EHBP1: variants seen among roughly 807,000 people sequenced by gnomAD.
EHBP1 encodes EH domain binding protein 1.
EHBP1 carries 55 observed loss-of-function variants against 144.0 expected under a neutral mutation model. The ratio of observed to expected loss-of-function variants is 0.38; its 90% CI spans 0.31 to 0.48. EHBP1 has a LOEUF of 0.48. Ranked by LOEUF, EHBP1 falls within the 20% of genes least tolerant of loss-of-function variation. The pLI is 0.98. For missense variants in EHBP1, 1,200 were observed against 1,364.2 expected (o/e 0.88, Z 1.90); for synonymous variants, 469 against 472.7 (o/e 0.99, Z 0.10).
chr2:63,008,612 G>C (rs1559059758), intron 19 of EHBP1, among the ~76,000 whole-genome samples: 2 of 141,594 alleles, frequency 1.4e-5, no homozygotes, highest in African/African-American at 5.2e-5. Flanking sequence ...GTACCTAGAG[G>C]TTTTTTTTTC....
rs1407960720 is a variant in EHBP1, at chr2:62,948,549, G to T, written c.1703G>T (p.Gly568Val). ...REPELQQPIS[G>V]AVDFLSQDDS... ...CCTGAACTACAACAGCCTATCAGCGGAGCAGTAGACTTCTTATCACAGGAT... is the reference window on the plus strand; with the variant it reads ...CCTGAACTACAACAGCCTATCAGCGTAGCAGTAGACTTCTTATCACAGGAT... Residue 568 changes from glycine (G) to valine (V), a missense_variant, in exon 13 of 23, where the codon GGA becomes GTA. This residue lies in a region of EHBP1 where 543 missense variants were observed against 513.1 expected (regional missense o/e 1.06). Coordinates refer to ENST00000431489, the MANE Select transcript of EHBP1 (RefSeq NM_001142616.3). 1 of 1,614,084 alleles carries T rather than the reference G, an allele frequency of 6.2e-7. No homozygotes were observed. The highest frequency in any genetic ancestry group is 1.7e-5 in the Admixed American group (1 of 60,016).
chr2:62,894,005 G>A (rs541679699), intron 10 of EHBP1, among the ~76,000 whole-genome samples: 14 of 150,518 alleles, frequency 9.3e-5, no homozygotes, highest in South Asian at 2.1e-4. Flanking sequence ...AAATTGTGCC[G>A]CTGCACTCCA....
At chr2:63,037,761 TA>T in intron 20 of EHBP1, 127 bp downstream of exon 20, 1 of 535,264 alleles carries the variant, frequency 1.9e-6, no homozygotes. Context: ...ACATGTTTTA[TA>T]AAAAAATAAA....
chr2:62,780,573 T>C (rs1384657145), intron 5 of EHBP1, among the ~76,000 whole-genome samples: 2 of 152,110 alleles, frequency 1.3e-5, no homozygotes, highest in Non-Finnish European at 2.9e-5. Flanking sequence ...TCTCCTTTAT[T>C]CTCAAATGAT....
At chr2:62,799,756 C>T (rs1011439869) in intron 5 of EHBP1, among the ~76,000 whole-genome samples, 49 of 152,170 alleles carry the variant, frequency 3.2e-4, no homozygotes, top group African/African-American at 9.9e-4. Context: ...ACAACCTAAT[C>T]TACTCAGTAC....
intron 5 of EHBP1, among the ~76,000 whole-genome samples, chr2:62,810,484 C>T (rs990225669): frequency 2.6e-5 from 4 of 152,148 alleles, no homozygotes; most frequent in African/African-American, 4.8e-5. Flanking sequence ...GATTGAGAGG[C>T]TTGATGGTGG....
At chr2:62,931,721 G>A (rs762938246) in intron 10 of EHBP1, among the ~76,000 whole-genome samples, 1 of 152,204 alleles carries the variant, frequency 6.6e-6, no homozygotes, top group South Asian at 2.1e-4. Context: ...CGTGCAGGAT[G>A]TGAATCATCC....
chr2:63,041,850 G>A (rs2061672341), intron 21 of EHBP1, among the ~76,000 whole-genome samples: 1 of 152,146 alleles, frequency 6.6e-6, no homozygotes, highest in Non-Finnish European at 1.5e-5. Flanking sequence ...TAGTGGCAAG[G>A]TTGAAGGTTT....
At chr2:62,749,176 C>A (rs1271675804) in intron 3 of EHBP1, among the ~76,000 whole-genome samples, 1 of 152,120 alleles carries the variant, frequency 6.6e-6, no homozygotes, top group Non-Finnish European at 1.5e-5. Flanking sequence ...TGATGTTCCC[C>A]TTCCTGTGTC....
intron 5 of EHBP1, among the ~76,000 whole-genome samples, chr2:62,813,571 A>G (rs1436668751): frequency 6.6e-6 from 1 of 152,170 alleles, no homozygotes; most frequent in African/African-American, 2.4e-5. Context: ...AGCCTGGGAA[A>G]GCTGCAGGCG....
At chr2:62,698,809 C>G (rs1278128143) in intron 1 of EHBP1, among the ~76,000 whole-genome samples, 1 of 152,192 alleles carries the variant, frequency 6.6e-6, no homozygotes, top group Non-Finnish European at 1.5e-5. Context: ...TTTTCTCTAT[C>G]TTGCCCTGCC....
At chr2:62,829,033 G>A (rs1302815401) in intron 6 of EHBP1, among the ~76,000 whole-genome samples, 1 of 151,658 alleles carries the variant, frequency 6.6e-6, no homozygotes, top group Non-Finnish European at 1.5e-5. Flanking sequence ...CGGGATGATT[G>A]CTTGAGCCCA....
chr2:62,694,043 T>TTA (rs2033998033), intron 1 of EHBP1, among the ~76,000 whole-genome samples: 2 of 152,226 alleles, frequency 1.3e-5, no homozygotes. Context: ...TCTAACAGTT[T>TTA]TATAGTTTTA....
At chr2:62,797,424 A>G (rs1285970784) in intron 5 of EHBP1, among the ~76,000 whole-genome samples, 1 of 152,240 alleles carries the variant, frequency 6.6e-6, no homozygotes, top group Non-Finnish European at 1.5e-5. Flanking sequence ...TTAACCTGAA[A>G]TAACCCTTGC....
intron 18 of EHBP1, among the ~76,000 whole-genome samples, chr2:62,996,217 A>G (rs973336571): frequency 2.0e-5 from 3 of 152,120 alleles, no homozygotes; most frequent in Non-Finnish European, 4.4e-5. Context: ...GGATACTTTC[A>G]TGGTCAATTC....
At chr2:63,019,292 C>A (rs2060602949) in intron 19 of EHBP1, among the ~76,000 whole-genome samples, 1 of 152,160 alleles carries the variant, frequency 6.6e-6, no homozygotes, top group Admixed American at 6.5e-5. Flanking sequence ...GTTACAAGCG[C>A]TAAGAGAAGT....
intron 5 of EHBP1, among the ~76,000 whole-genome samples, chr2:62,813,618 A>C (rs561440901): frequency 6.6e-6 from 1 of 152,320 alleles, no homozygotes. Context: ...GGGTGGACTG[A>C]GTCCAGCAAA....
intron 10 of EHBP1, among the ~76,000 whole-genome samples, chr2:62,928,338 CTT>C (rs987853420): frequency 1.3e-5 from 2 of 152,122 alleles, no homozygotes; most frequent in African/African-American, 4.8e-5. Flanking sequence ...TGACCAAAAA[CTT>C]TATTCTGCTT....
chr2:62,738,758 C>T (rs908749298), intron 2 of EHBP1, among the ~76,000 whole-genome samples: 1 of 152,098 alleles, frequency 6.6e-6, no homozygotes, highest in Non-Finnish European at 1.5e-5. Flanking sequence ...TTTTTGCTCA[C>T]CTAATGAAAA....
Sources: allele counts gnomAD v4.1 joint callset (sites outside exome capture counted in the v4.1 genomes callset), GRCh38; gene constraint gnomAD v4.1.1; regional missense constraint gnomAD v4.1.1; transcripts MANE v1.5; gene names NCBI Gene and HGNC (gene_info 2026-07-23, HGNC 2026-07-21).